SLC15A2: variants seen among roughly 807,000 people sequenced by gnomAD.
SLC15A2 encodes the protein kidney H(+)/peptide cotransporter.
Under a neutral mutation model 95.5 loss-of-function variants are expected in SLC15A2, and 77 were observed. That is an observed-to-expected ratio of 0.81 (90% confidence interval 0.67 to 0.97). SLC15A2 has a LOEUF of 0.97. SLC15A2 is among the 50% of genes least tolerant of loss of function. The probability of loss-of-function intolerance (pLI) is 0.00; values close to 1 mark genes in which losing one functional copy is unlikely to be tolerated. For synonymous variants in SLC15A2, 306 were observed against 306.9 expected (o/e 1.00, Z 0.03); for missense variants, 893 against 874.4 (o/e 1.02, Z -0.27).
intron 14 of SLC15A2, 111 bp downstream of exon 14, chr3:121,927,950 T>A: frequency 4.0e-6 from 3 of 754,818 alleles, no homozygotes; most frequent in Non-Finnish European, 6.7e-6. Context: ...ACCTGTTTTA[T>A]AAGAGGTGCA....
At chr3:121,939,879 C>T (rs568651907) in intron 20 of SLC15A2, among the ~76,000 whole-genome samples, 2 of 152,066 alleles carry the variant, frequency 1.3e-5, no homozygotes, top group African/African-American at 2.4e-5. Context: ...AGCGACAGAG[C>T]GAGACTCCAT....
Position 121,931,632 on chromosome 3 carries a change from G to T in SLC15A2, c.1665-7G>T. 1.3e-6 allele frequency: 2 copies of T among 1,594,912 alleles called. No homozygotes were observed. Among genetic ancestry groups the T allele is most frequent in the Non-Finnish European group, 1.7e-6 (2 of 1,162,834 alleles). The stretch of plus-strand genomic sequence containing the variant: ...ATTTATTCTAACCTAAATTCATCCT[G>T]TTCCAGATACCCTGCAGTGCACTGT... On this transcript the variant is annotated splice_polypyrimidine_tract_variant and splice_region_variant and intron_variant, in intron 18 of 21. Transcript: ENST00000489711.
At chr3:121,910,772 A>C (rs1168908093) in intron 3 of SLC15A2, among the ~76,000 whole-genome samples, 1 of 152,212 alleles carries the variant, frequency 6.6e-6, no homozygotes, top group African/African-American at 2.4e-5. Context: ...CACATAAGGA[A>C]TATATGTTGT....
chr3:121,936,892 G>A (rs1197566920), intron 19 of SLC15A2, among the ~76,000 whole-genome samples: 1 of 147,966 alleles, frequency 6.8e-6, no homozygotes, highest in Non-Finnish European at 1.5e-5. Flanking sequence ...TGATTTTGCA[G>A]CGGCTGGTAC....
chr3:121,924,881 T>A, intron 12 of SLC15A2, 64 bp from the exon 13 acceptor site: 1 of 1,131,372 alleles, frequency 8.8e-7, no homozygotes, highest in Non-Finnish European at 1.4e-6. Flanking sequence ...AGCAAATGAG[T>A]GCAGTGCTCA....
intron 3 of SLC15A2, among the ~76,000 whole-genome samples, chr3:121,903,730 A>T (rs1709568550): frequency 6.6e-6 from 1 of 152,210 alleles, no homozygotes; most frequent in Non-Finnish European, 1.5e-5. Flanking sequence ...TGGTACCAGT[A>T]CCATGCTGTT....
At chr3:121,908,049 C>T (rs981159709) in intron 3 of SLC15A2, among the ~76,000 whole-genome samples, 3 of 152,228 alleles carry the variant, frequency 2.0e-5, no homozygotes, top group Non-Finnish European at 2.9e-5. Context: ...GTTCAAGCTT[C>T]CCCAGCTTCT....
In SLC15A2 at chr3:121,922,885, C is replaced by G. The variant is rs373649549; in HGVS notation, c.867+24C>G. ...CAGTAAGTTGGAAATGCAGAAACAT[C>G]TTATGGCTTGATAGAGTCTTTCCTA... On this transcript the variant is annotated intron_variant, in intron 9 of 21. Transcript: ENST00000489711. 5 of 1,594,896 alleles carry G rather than the reference C, an allele frequency of 3.1e-6. No homozygotes were observed. The African/African-American group carries it at 6.7e-5, about 21-fold the overall frequency.
Position 121,929,335 on chromosome 3 carries a change from A to G in SLC15A2, c.1540A>G (p.Met514Val), listed in dbSNP as rs776996221. Residue 514 changes from methionine to valine, a missense_variant, in exon 17 of 22, where the codon ATG (methionine) becomes GTG (valine). Transcript: ENST00000489711. ...TACAGAAAGCAGAACAACCAATGGG[A>G]TGACAACCGTGAGGTTTGAATGTCA... ...KDTESRTTNG[M>V]TTVRFVNTLH... The G allele has an allele frequency of 6.2e-7, 1 of 1,613,988 alleles. No individual in the cohort carries two copies. Among genetic ancestry groups the G allele is most frequent in the Non-Finnish European group, 8.5e-7 (1 of 1,179,872 alleles).
At chr3:121,909,602 A>T (rs1347863365) in intron 3 of SLC15A2, among the ~76,000 whole-genome samples, 1 of 151,282 alleles carries the variant, frequency 6.6e-6, no homozygotes, top group African/African-American at 2.4e-5. Flanking sequence ...ACTATTTCCT[A>T]TGAGGTTTTT....
At chr3:121,924,526 C>T (rs1710073349) in intron 12 of SLC15A2, 143 bp downstream of exon 12, 1 of 766,814 alleles carries the variant, frequency 1.3e-6, no homozygotes. Flanking sequence ...AAAACATTCC[C>T]ATTAAGCCCC....
rs1559856737 is a variant in SLC15A2, at chr3:121,940,403, C to CTG, written c.1931_1932dup (p.Leu645CysfsTer8). 2 of 1,614,016 alleles carry CTG rather than the reference C, an allele frequency of 1.2e-6. No individual in the cohort carries two copies. Among genetic ancestry groups the CTG allele is most frequent in the Admixed American group, 3.3e-5 (2 of 60,016 alleles). On this transcript the variant is annotated frameshift_variant, in exon 21 of 22. Coordinates refer to ENST00000489711, the MANE Select transcript of SLC15A2 (RefSeq NM_021082.4). LOFTEE classifies it high-confidence loss of function. ...CCCCAGGCTCCCTCTAGCATGAAATCTGTGCTCCAGGCAGCTTGGCTATTG... is the reference window on the plus strand; with the variant it reads ...CCCCAGGCTCCCTCTAGCATGAAATCTGTGTGCTCCAGGCAGCTTGGCTATTG...
At chr3:121,928,580 A>T (rs1710168222) in intron 15 of SLC15A2, 25 bp downstream of exon 15, 2 of 1,609,768 alleles carry the variant, frequency 1.2e-6, no homozygotes, top group African/African-American at 2.7e-5. Flanking sequence ...TGAATGAATT[A>T]GAAACTCTGT....
chr3:121,898,586 A>G (rs9843053), intron 3 of SLC15A2, among the ~76,000 whole-genome samples: 113,857 of 152,132 alleles, frequency 0.75, 42,792 homozygotes, highest in East Asian at 0.87. Context: ...AAAATATAAT[A>G]AGTTATGTGG....
intron 17 of SLC15A2, 70 bp downstream of exon 17, chr3:121,929,418 C>T: frequency 6.7e-7 from 1 of 1,483,926 alleles, no homozygotes; most frequent in Admixed American, 1.7e-5. Flanking sequence ...ATCTTTGGGG[C>T]TGCATTCTAC....
At chr3:121,897,845 T>C (rs1709448628) in intron 3 of SLC15A2, among the ~76,000 whole-genome samples, 1 of 152,210 alleles carries the variant, frequency 6.6e-6, no homozygotes. Context: ...TTGTTGGAGA[T>C]AGACAGCACT....
chr3:121,916,076 CT>C (rs1353327878), intron 7 of SLC15A2, among the ~76,000 whole-genome samples: 2 of 152,078 alleles, frequency 1.3e-5, no homozygotes, highest in Non-Finnish European at 2.9e-5. Context: ...AATTAGTTTA[CT>C]TCATATTATA....
intron 3 of SLC15A2, among the ~76,000 whole-genome samples, chr3:121,907,913 G>A: frequency 6.6e-6 from 1 of 152,262 alleles, no homozygotes; most frequent in East Asian, 1.9e-4. Flanking sequence ...CTTCAGAGCT[G>A]TCAGACAGGG....
At chr3:121,931,322 G>A (rs1037142315) in intron 18 of SLC15A2, among the ~76,000 whole-genome samples, 4 of 152,174 alleles carry the variant, frequency 2.6e-5, no homozygotes, top group African/African-American at 4.8e-5. Context: ...CACTGTTATA[G>A]CCTGTTCTAC....
Sources: gnomAD v4.1 joint callset for allele counts (sites outside exome capture counted in the v4.1 genomes callset) on GRCh38, gnomAD v4.1.1 for gene constraint, MANE v1.5 for transcripts, NCBI Gene and HGNC (gene_info 2026-07-23, HGNC 2026-07-21) for gene names.